The following CNTN1 variants were observed in gnomAD, a reference collection of about 807,000 sequenced individuals.
CNTN1 encodes the protein contactin-1.
A neutral mutation model predicts 126.4 loss-of-function variants in CNTN1; 38 were observed. That is an observed-to-expected ratio of 0.30 (90% CI 0.23 to 0.39). CNTN1 has a LOEUF of 0.39. Ranked by LOEUF, CNTN1 falls within the 10% of genes least tolerant of loss-of-function variation. The probability of loss-of-function intolerance (pLI) is 1.00; values close to 1 mark genes in which losing one functional copy is unlikely to be tolerated. For synonymous variants in CNTN1, 413 were observed against 422.6 expected, an observed-to-expected ratio of 0.98 and a Z score of 0.28; for missense variants, 1,009 against 1,248.4, an observed-to-expected ratio of 0.81 and a Z score of 2.89.
chr12:40,831,132 C>A (rs1461430943), intron 1 of CNTN1, among the ~76,000 whole-genome samples: 1 of 139,104 alleles, frequency 7.2e-6, no homozygotes, highest in Non-Finnish European at 1.5e-5. Flanking sequence ...CTGTAAATAT[C>A]TATAGTATAT....
chr12:40,865,442 C>T (rs530004226), intron 1 of CNTN1, among the ~76,000 whole-genome samples: 4 of 152,130 alleles, frequency 2.6e-5, no homozygotes, highest in East Asian at 1.9e-4. Context: ...AAGATTTACT[C>T]CTATGCTTTC....
At chr12:41,049,797 A>C (rs1489271353) in intron 23 of CNTN1, among the ~76,000 whole-genome samples, 1 of 151,988 alleles carries the variant, frequency 6.6e-6, no homozygotes, top group East Asian at 1.9e-4. Flanking sequence ...ACTACCATTA[A>C]CTCCCCAGCT....
chr12:40,935,290 TCTAAAG>T (rs1400995071), intron 9 of CNTN1, among the ~76,000 whole-genome samples: 1 of 152,130 alleles, frequency 6.6e-6, no homozygotes, highest in African/African-American at 2.4e-5. Flanking sequence ...CTACTAGGTT[TCTAAAG>T]CTTATAGACC....
At position 41,071,996 on chromosome 12, in the gene CNTN1, G is replaced by A. The variant is rs1950166742; in HGVS notation, c.*1961G>A. ...AACTGGTTAGATTTTGCATGAAATGGTTCTGAAAGGTAAGAGGAAAACAGA... is the reference window on the plus strand; with the variant it reads ...AACTGGTTAGATTTTGCATGAAATGATTCTGAAAGGTAAGAGGAAAACAGA... On this transcript the variant is annotated 3_prime_UTR_variant, in exon 24 of 24. Transcript: ENST00000551295. The A allele has an allele frequency of 6.6e-6, 1 of 152,150 alleles. No individual in the cohort carries two copies. The highest frequency in any genetic ancestry group is 2.4e-5 in the African/African-American group (1 of 41,446). 9.4% of individuals were successfully genotyped at this position (152,150 alleles called of 1,614,324 possible).
intron 1 of CNTN1, among the ~76,000 whole-genome samples, chr12:40,753,695 C>A (rs1449873474): frequency 2.6e-5 from 4 of 152,050 alleles, no homozygotes; most frequent in Admixed American, 2.0e-4. Flanking sequence ...ATGGGAACTA[C>A]AATTCAAGAT....
At chr12:40,817,722 C>G (rs1179069559) in intron 1 of CNTN1, among the ~76,000 whole-genome samples, 2 of 151,746 alleles carry the variant, frequency 1.3e-5, no homozygotes, top group Non-Finnish European at 2.9e-5. Context: ...TGCTATTTGG[C>G]TATTTTGCAC....
intron 17 of CNTN1, among the ~76,000 whole-genome samples, chr12:41,012,093 G>A (rs971470630): frequency 2.3e-4 from 35 of 152,132 alleles, no homozygotes; most frequent in Non-Finnish European, 4.6e-4. Context: ...GTAAAGGAGA[G>A]GATTCCTATT....
intron 1 of CNTN1, among the ~76,000 whole-genome samples, chr12:40,782,576 G>A (rs905594654): frequency 4.6e-5 from 7 of 151,924 alleles, no homozygotes; most frequent in African/African-American, 7.2e-5. Flanking sequence ...GATGAGGTCT[G>A]TCTAACACTG....
intron 1 of CNTN1, among the ~76,000 whole-genome samples, chr12:40,779,650 G>A (rs556333907): frequency 6.6e-6 from 1 of 151,834 alleles, no homozygotes; most frequent in Non-Finnish European, 1.5e-5. Flanking sequence ...TGAAAGTGAA[G>A]TTTTCCTATT....
intron 1 of CNTN1, among the ~76,000 whole-genome samples, chr12:40,786,180 T>C (rs1226670820): frequency 6.6e-6 from 1 of 152,182 alleles, no homozygotes; most frequent in African/African-American, 2.4e-5. Context: ...TTTGGGTTAT[T>C]GGCAGAAGTC....
At position 40,945,926 on chromosome 12, in the gene CNTN1, C is replaced by T. The variant is rs138303279; in HGVS notation, c.1683+1756C>T. Among the ~76,000 whole-genome samples, 157 of 152,194 alleles carry T rather than the reference C, an allele frequency of 1.0e-3. 1 individual carries two copies. In the East Asian group the frequency reaches 0.018, roughly 17 times the overall value. The stretch of plus-strand genomic sequence containing the variant: ...ACCGCAGGCTCACCACCTCAGGTTT[C>T]AGTTCATTCCATCAAATAATGATCT... On this transcript the variant is annotated intron_variant, in intron 14 of 23. Coordinates refer to ENST00000551295, the MANE Select transcript of CNTN1 (RefSeq NM_001843.4).
intron 1 of CNTN1, among the ~76,000 whole-genome samples, chr12:40,787,617 C>G (rs1266732291): frequency 1.3e-5 from 2 of 152,016 alleles, no homozygotes; most frequent in Non-Finnish European, 1.5e-5. Context: ...AACAAGAATT[C>G]CTTATTAAGT....
chr12:40,702,996 T>A (rs1302189938), intron 1 of CNTN1, among the ~76,000 whole-genome samples: 1 of 151,980 alleles, frequency 6.6e-6, no homozygotes, highest in East Asian at 1.9e-4. Flanking sequence ...ATTTCCAGAA[T>A]GAAATTGCTA....
chr12:41,021,475 C>T (rs375968522), intron 20 of CNTN1, among the ~76,000 whole-genome samples: 8 of 152,126 alleles, frequency 5.3e-5, no homozygotes, highest in African/African-American at 1.4e-4. Context: ...GTGCTGAGCA[C>T]CTGGCAGGCT....
At chr12:40,715,672 C>T in intron 1 of CNTN1, among the ~76,000 whole-genome samples, 1 of 152,210 alleles carries the variant, frequency 6.6e-6, no homozygotes, top group East Asian at 1.9e-4. Flanking sequence ...AGATCTGAAG[C>T]TTTTTCATTA....
chr12:40,832,508 G>C (rs375657859), intron 1 of CNTN1, among the ~76,000 whole-genome samples: 1 of 152,152 alleles, frequency 6.6e-6, no homozygotes, highest in African/African-American at 2.4e-5. Flanking sequence ...TATAGCCTAC[G>C]TATGAAGTAG....
intron 20 of CNTN1, among the ~76,000 whole-genome samples, chr12:41,024,918 AC>A (rs1949007126): frequency 6.6e-6 from 1 of 152,108 alleles, no homozygotes; most frequent in Non-Finnish European, 1.5e-5. Flanking sequence ...TCAATGTAAA[AC>A]AATTTTGGGC....
intron 1 of CNTN1, among the ~76,000 whole-genome samples, chr12:40,876,830 CT>C (rs1024258952): frequency 6.6e-6 from 1 of 151,952 alleles, no homozygotes; most frequent in East Asian, 1.9e-4. Flanking sequence ...TTTAACAAAA[CT>C]TTTTGATAGA....
At chr12:40,698,112 T>TCCC (rs1941496302) in intron 1 of CNTN1, among the ~76,000 whole-genome samples, 2 of 152,302 alleles carry the variant, frequency 1.3e-5, no homozygotes, top group South Asian at 4.1e-4. Flanking sequence ...TAGTTTCTTT[T>TCCC]ATGAGAGGCA....
Sources: allele counts gnomAD v4.1 joint callset (sites outside exome capture counted in the v4.1 genomes callset), GRCh38; gene constraint gnomAD v4.1.1; transcripts MANE v1.5; gene names NCBI Gene and HGNC (gene_info 2026-07-23, HGNC 2026-07-21).